RBFOX3: variants seen among roughly 807,000 people sequenced by gnomAD.
The protein encoded by RBFOX3 is RNA binding protein fox-1 homolog 3.
A neutral mutation model predicts 48.7 loss-of-function variants in RBFOX3; 17 were observed. That is an observed-to-expected ratio of 0.35 (90% confidence interval 0.24 to 0.52). RBFOX3 has a LOEUF of 0.52. Ranked by LOEUF, RBFOX3 falls within the 20% of genes least tolerant of loss-of-function variation. The probability of loss-of-function intolerance (pLI) is 0.94; values close to 1 mark genes in which losing one functional copy is unlikely to be tolerated. For synonymous variants in RBFOX3, 212 were observed against 209.5 expected, an observed-to-expected ratio of 1.01 and a Z score of -0.10; for missense variants, 382 against 497.5, an observed-to-expected ratio of 0.77 and a Z score of 2.21.
intron 2 of RBFOX3, among the ~76,000 whole-genome samples, chr17:79,397,127 C>A (rs1314583872): frequency 6.6e-6 from 1 of 152,202 alleles, no homozygotes; most frequent in East Asian, 1.9e-4. Context: ...CACAGCCCCG[C>A]GGACAGGCAG....
At chr17:79,093,914 T>A (rs1159857920) in intron 14 of RBFOX3, among the ~76,000 whole-genome samples, 1 of 151,964 alleles carries the variant, frequency 6.6e-6, no homozygotes, top group Non-Finnish European at 1.5e-5. Flanking sequence ...AGGCACTGTT[T>A]CCCCAGGACG....
chr17:79,329,557 A>G (rs1014380842), intron 2 of RBFOX3, among the ~76,000 whole-genome samples: 1 of 151,908 alleles, frequency 6.6e-6, no homozygotes, highest in African/African-American at 2.4e-5. Flanking sequence ...ATTATTCCAC[A>G]CCGTGCCCTC....
the RBFOX3 span, among the ~76,000 whole-genome samples, chr17:79,644,870 C>G: frequency 6.6e-6 from 1 of 152,140 alleles, no homozygotes; most frequent in Non-Finnish European, 1.5e-5. Context: ...AATCAGAATC[C>G]CAACAGGCTT....
At chr17:79,516,688 A>T (rs1415849208) in intron 1 of RBFOX3, among the ~76,000 whole-genome samples, 3 of 152,236 alleles carry the variant, frequency 2.0e-5, no homozygotes, top group Admixed American at 6.5e-5. Flanking sequence ...AGATGGAGCC[A>T]CAGACTTGGG....
At chr17:79,413,141 T>C (rs1009355630) in intron 2 of RBFOX3, among the ~76,000 whole-genome samples, 25 of 152,266 alleles carry the variant, frequency 1.6e-4, no homozygotes, top group African/African-American at 6.0e-4. Context: ...AGATGAAATT[T>C]CTGAAATGCA....
chr17:79,595,974 A>G (rs2093559288), intron 1 of RBFOX3, among the ~76,000 whole-genome samples: 1 of 152,252 alleles, frequency 6.6e-6, no homozygotes, highest in Non-Finnish European at 1.5e-5. Context: ...CGAAGGATGC[A>G]GCTGGCCCCA....
chr17:79,550,558 T>C (rs2091037356), intron 1 of RBFOX3, among the ~76,000 whole-genome samples: 1 of 152,158 alleles, frequency 6.6e-6, no homozygotes. Context: ...GCTATAATCA[T>C]TTACGGAATG....
chr17:79,337,242 T>C (rs1249805607), intron 2 of RBFOX3, among the ~76,000 whole-genome samples: 4 of 151,844 alleles, frequency 2.6e-5, no homozygotes, highest in Non-Finnish European at 4.4e-5. Flanking sequence ...AAGGAAACAT[T>C]GTGCTTACCT....
At chr17:79,512,308 A>AG (rs2084430849) in intron 1 of RBFOX3, among the ~76,000 whole-genome samples, 3 of 132,724 alleles carry the variant, frequency 2.3e-5, no homozygotes, top group Non-Finnish European at 3.2e-5. Flanking sequence ...CCCCATGGCC[A>AG]GGGAACACCC....
intron 2 of RBFOX3, among the ~76,000 whole-genome samples, chr17:79,414,901 G>A (rs185464300): frequency 9.2e-5 from 14 of 152,354 alleles, no homozygotes; most frequent in Admixed American, 2.6e-4. Context: ...CCGAGGTGGC[G>A]GGAGCCAGGG....
At chr17:79,386,793 A>G (rs1046587990) in intron 2 of RBFOX3, among the ~76,000 whole-genome samples, 26 of 152,170 alleles carry the variant, frequency 1.7e-4, no homozygotes, top group Non-Finnish European at 2.9e-5. Flanking sequence ...GCCTGCTAAG[A>G]AGGCTAAGTT....
chr17:79,499,828 A>G (rs1207573632), intron 1 of RBFOX3, among the ~76,000 whole-genome samples: 1 of 152,226 alleles, frequency 6.6e-6, no homozygotes, highest in Non-Finnish European at 1.5e-5. Flanking sequence ...CATCATCATC[A>G]GAATTGGCCA....
At chr17:79,118,328 A>G (rs1229442756) in intron 4 of RBFOX3, among the ~76,000 whole-genome samples, 1 of 151,826 alleles carries the variant, frequency 6.6e-6, no homozygotes, top group African/African-American at 2.4e-5. Flanking sequence ...ATGCGTACAC[A>G]CTCGTGGGAG....
intron 2 of RBFOX3, among the ~76,000 whole-genome samples, chr17:79,389,996 T>C (rs921928716): frequency 8.9e-6 from 1 of 112,850 alleles, no homozygotes; most frequent in Non-Finnish European, 2.0e-5. Flanking sequence ...AGCCTCCAGG[T>C]CTCCGCAGCC....
At chr17:79,383,035 C>CACACACACAT (rs1320315012) in intron 2 of RBFOX3, among the ~76,000 whole-genome samples, 13 of 74,414 alleles carry the variant, frequency 1.7e-4, no homozygotes, top group South Asian at 6.3e-4. Context: ...CTCTCAAACA[C>CACACACACAT]ACACACACAC....
At chr17:79,266,716 G>A (rs1164796838) in intron 3 of RBFOX3, among the ~76,000 whole-genome samples, 1 of 152,054 alleles carries the variant, frequency 6.6e-6, no homozygotes. Flanking sequence ...GAGAGGGGAG[G>A]GGGCTGGAGA....
In RBFOX3 at chr17:79,535,630, G is replaced by A. The variant is rs782068276; in HGVS notation, c.-319-53032C>T. Among the ~76,000 whole-genome samples the A allele has an allele frequency of 3.3e-5, 5 of 152,168 alleles. No homozygotes were observed. The highest frequency in any genetic ancestry group is 1.9e-4 in the East Asian group (1 of 5,192). On this transcript the variant is annotated intron_variant, in intron 1 of 14. Coordinates refer to ENST00000693108, the MANE Select transcript of RBFOX3 (RefSeq NM_001350451.2). The surrounding 1 kb of genome is among the most constrained non-coding windows in gnomAD (Gnocchi z 4.5). ...GTCCTGGCCAGACCACATTCTGGGC[G>A]GACAAGGCAGGATAGCCAGCCCACA...
In RBFOX3 at chr17:79,152,486, G is replaced by A. The variant is rs1032875814; in HGVS notation, c.-33-36738C>T. Among the ~76,000 whole-genome samples, 4 of 152,150 alleles carry A rather than the reference G, an allele frequency of 2.6e-5. No homozygotes were observed. In the South Asian group the frequency reaches 6.2e-4, roughly 24 times the overall value. ...GGGGGTATCCCTTTCCAGCTGGGCC[G>A]GGGGTCACCCCGAACTTGGGATGAG... On this transcript the variant is annotated intron_variant, in intron 4 of 14. Coordinates refer to ENST00000693108, the MANE Select transcript of RBFOX3 (RefSeq NM_001350451.2).
chr17:79,282,497 C>T (rs546263896), intron 3 of RBFOX3, among the ~76,000 whole-genome samples: 86 of 151,612 alleles, frequency 5.7e-4, no homozygotes, highest in African/African-American at 1.9e-3. Flanking sequence ...TGGCTCAATG[C>T]GCTTCATGTT....
Sources: allele counts gnomAD v4.1 joint callset (sites outside exome capture counted in the v4.1 genomes callset), GRCh38; gene constraint gnomAD v4.1.1; non-coding constraint Gnocchi (gnomAD v3.1); transcripts MANE v1.5; gene names NCBI Gene and HGNC (gene_info 2026-07-23, HGNC 2026-07-21).